UNC5A: variants seen among roughly 807,000 people sequenced by gnomAD.
The protein encoded by UNC5A is unc-5 netrin receptor A.
Under a neutral mutation model 87.4 loss-of-function variants are expected in UNC5A, and 20 were observed. That is an observed-to-expected ratio of 0.23 (90% CI 0.16 to 0.33). UNC5A has a LOEUF of 0.33. Ranked by LOEUF, UNC5A falls within the 10% of genes least tolerant of loss-of-function variation. The pLI, the probability that UNC5A is intolerant of heterozygous loss-of-function variation, is 1.00. For synonymous variants in UNC5A, 438 were observed against 482.3 expected (o/e 0.91, Z 1.20); for missense variants, 844 against 1,133.4 (o/e 0.74, Z 3.67).
chr5:176,878,156 T>A, intron 11 of UNC5A, 29 bp downstream of exon 11: 1 of 1,604,256 alleles, frequency 6.2e-7, no homozygotes, highest in Non-Finnish European at 8.5e-7. Context: ...CCCCCGCCGC[T>A]GGGAGGCCGA....
In UNC5A at chr5:176,875,389, C is replaced by T. The variant is rs2149369801; in HGVS notation, c.1378+823C>T. On this transcript the variant is annotated intron_variant, in intron 8 of 14. Coordinates refer to ENST00000329542, the MANE Select transcript of UNC5A (RefSeq NM_133369.3). The surrounding 1 kb of genome is among the most constrained non-coding windows in gnomAD (Gnocchi z 5.2). ...TCCCCCAGAGCCTCCCCATTCCTGG[C>T]TTCCCCCAGTTCACGGATCGTCTAG... Among the ~76,000 whole-genome samples, 1 of 152,184 alleles carries T rather than the reference C, an allele frequency of 6.6e-6. No homozygotes were observed. Among genetic ancestry groups the T allele is most frequent in the Non-Finnish European group, 1.5e-5 (1 of 68,002 alleles).
chr5:176,829,560 AGATGGATG>A lies in UNC5A; in HGVS notation c.70+18756_70+18763del, dbSNP rs111829154. ...TTGGATGGATGGGTGGACGTATGAA[AGATGGATG>A]GATGGATGGATGGATAAAGTAGGTG... On this transcript the variant is annotated intron_variant, in intron 1 of 14. Transcript: ENST00000329542. Among the ~76,000 whole-genome samples the A allele has an allele frequency of 5.4e-5, 6 of 111,654 alleles. No individual in the cohort carries two copies. The South Asian group carries it at 1.3e-3, about 25-fold the overall frequency. 73.2% of individuals were successfully genotyped at this position (111,654 alleles called of 152,430 possible). A position where few individuals can be genotyped will look rare whatever the true frequency, so the allele number is the denominator to read the frequency against.
intron 1 of UNC5A, among the ~76,000 whole-genome samples, chr5:176,860,652 C>T (rs1244174682): frequency 1.3e-5 from 2 of 152,184 alleles, no homozygotes; most frequent in East Asian, 3.8e-4. Context: ...CTTGGTCCCA[C>T]CCCCCAGCGT....
rs1388141131 is a variant in UNC5A at position 176,869,667 on chromosome 5, G to A, written c.721+703G>A. 7.2e-6 allele frequency: 5 copies of A among 698,872 alleles called. No homozygotes were observed. The highest frequency in any genetic ancestry group is 1.3e-5 in the Non-Finnish European group (5 of 382,598). The allele number at this position is 698,872 out of a possible 1,614,324, so 43.3% of individuals were successfully genotyped here. A position where few individuals can be genotyped will look rare whatever the true frequency, so the allele number is the denominator to read the frequency against. ...GTGGTCCGTCTGCAGCGCCAGCTGTGGGCGCGGCTGGCAGAAACGGAGCCG... is the reference window on the plus strand; with the variant it reads ...GTGGTCCGTCTGCAGCGCCAGCTGTAGGCGCGGCTGGCAGAAACGGAGCCG... On this transcript the variant is annotated intron_variant, in intron 5 of 14. Transcript: ENST00000329542. This position sits in a 1 kb window ranked among gnomAD's most constrained non-coding sequence, Gnocchi z 9.1.
chr5:176,861,255 C>A (rs55697016), intron 1 of UNC5A, among the ~76,000 whole-genome samples: 1 of 152,238 alleles, frequency 6.6e-6, no homozygotes, highest in South Asian at 2.1e-4. Flanking sequence ...TGCTGAGTGC[C>A]TCACGCCTGT....
chr5:176,874,518 T>G lies in UNC5A; in HGVS notation c.1330T>G (p.Tyr444Asp). ...GCCCCGAGGCACCAGCAACATGACC[T>G]ATGGGACCTTCAACTTCCTCGGGGG... ...SLPRGTSNMT[Y>D]GTFNFLGGRL... The change falls in exon 8 of 15, where the codon TAT becomes GAT. Residue 444 changes from tyrosine (Y) to aspartate (D), a missense_variant. This residue lies in a region of UNC5A where 353 missense variants were observed against 387.5 expected (regional missense o/e 0.91). Transcript: ENST00000329542. This position sits in a 1 kb window ranked among gnomAD's most constrained non-coding sequence, Gnocchi z 7.6. 6.3e-7 allele frequency: 1 copy of G among 1,596,504 alleles called. No homozygotes were observed. The highest frequency in any genetic ancestry group is 1.1e-5 in the South Asian group (1 of 89,526).
intron 1 of UNC5A, among the ~76,000 whole-genome samples, chr5:176,837,150 T>C (rs1757167002): frequency 6.6e-6 from 1 of 152,032 alleles, no homozygotes; most frequent in Non-Finnish European, 1.5e-5. Flanking sequence ...CCATAGCCCC[T>C]TTAAACTCCA....
chr5:176,818,684 T>C (rs1453833088), intron 1 of UNC5A, among the ~76,000 whole-genome samples: 1 of 152,168 alleles, frequency 6.6e-6, no homozygotes, highest in Non-Finnish European at 1.5e-5. Flanking sequence ...CCTTGTGGGC[T>C]CTCCTATGTG....
Position 176,865,052 on chromosome 5 carries a change from C to T in UNC5A, c.292+2207C>T, listed in dbSNP as rs1181236153. ...GGGGGTGAGGAGACCTCCCCTCCAT[C>T]CTGCCCCTTGCAGATTGGTCGGGGG... is the stretch of plus-strand genomic sequence containing the variant. On this transcript the variant is annotated intron_variant, in intron 2 of 14. Transcript: ENST00000329542. This position sits in a 1 kb window ranked among gnomAD's most constrained non-coding sequence, Gnocchi z 5.3. 1 of 344,700 alleles carries T rather than the reference C, an allele frequency of 2.9e-6. No individual in the cohort carries two copies. The highest frequency in any genetic ancestry group is 5.8e-6 in the Non-Finnish European group (1 of 173,878). The allele number at this position is 344,700 out of a possible 1,614,324, so 21.4% of individuals were successfully genotyped here. A position where few individuals can be genotyped will look rare whatever the true frequency, so the allele number is the denominator to read the frequency against.
At chr5:176,840,469 G>A (rs1757247966) in intron 1 of UNC5A, among the ~76,000 whole-genome samples, 1 of 152,332 alleles carries the variant, frequency 6.6e-6, no homozygotes, top group East Asian at 1.9e-4. Context: ...TTGTGCTCCT[G>A]TTTTAATAAC....
intron 1 of UNC5A, among the ~76,000 whole-genome samples, chr5:176,849,162 G>A (rs1441294836): frequency 3.9e-5 from 6 of 152,232 alleles, no homozygotes; most frequent in Admixed American, 3.9e-4. Flanking sequence ...CTTGGACACT[G>A]CCCAGTCTGG....
Position 176,878,603 on chromosome 5 carries a change from C to T in UNC5A, c.2148C>T (p.Asp716=), listed in dbSNP as rs750617210. 36 of 1,612,500 alleles carry T rather than the reference C, an allele frequency of 2.2e-5. No individual in the cohort carries two copies. In the East Asian group the frequency reaches 3.1e-4, roughly 14 times the overall value. The change falls in exon 13 of 15, where the codon GAC becomes GAT. Residue 716 remains aspartate (D), a synonymous_variant. Transcript: ENST00000329542. ...TGTGGGTGTGGCAGGTGGAGGGCGA[C>T]GGGCAGAGCTTCAGCATCAACTTCA... ...CKLWVWQVEG[D]GQSFSINFNI...
chr5:176,861,921 C>G (rs1013750578), intron 1 of UNC5A, among the ~76,000 whole-genome samples: 2 of 152,240 alleles, frequency 1.3e-5, no homozygotes, highest in African/African-American at 4.8e-5. Flanking sequence ...GGGCAGGGAT[C>G]AGACTACTCT....
rs1758216477 is a variant in UNC5A at position 176,874,602 on chromosome 5, T to C, written c.1378+36T>C. ...CCCCAGGGGGCTCTGAGAGCTCCAC[T>C]TCCCTCCTGGAGGAGGACGGGACAG... On this transcript the variant is annotated intron_variant, in intron 8 of 14. Transcript: ENST00000329542. This position sits in a 1 kb window ranked among gnomAD's most constrained non-coding sequence, Gnocchi z 7.6. 6.7e-7 allele frequency: 1 copy of C among 1,494,350 alleles called. No individual in the cohort carries two copies. Among genetic ancestry groups the C allele is most frequent in the African/African-American group, 1.4e-5 (1 of 71,018 alleles). The allele number at this position is 1,494,350 out of a possible 1,614,324, so 92.6% of individuals were successfully genotyped here.
At position 176,865,515 on chromosome 5, in the gene UNC5A, C is replaced by T; in HGVS notation, c.293-2615C>T. 2.2e-6 allele frequency: 1 copy of T among 448,068 alleles called. No individual in the cohort carries two copies. Among genetic ancestry groups the T allele is most frequent in the Non-Finnish European group, 4.5e-6 (1 of 221,056 alleles). 27.8% of individuals were successfully genotyped at this position (448,068 alleles called of 1,614,324 possible). On this transcript the variant is annotated intron_variant, in intron 2 of 14. Transcript: ENST00000329542. The surrounding 1 kb of genome is among the most constrained non-coding windows in gnomAD (Gnocchi z 5.3). ...ACGTCCCACCCGTAACCGCCAGGGTCCTCTTCTGCCCCGAGCATCCGACTC... is the reference window on the plus strand; with the variant it reads ...ACGTCCCACCCGTAACCGCCAGGGTTCTCTTCTGCCCCGAGCATCCGACTC...
chr5:176,824,939 T>TC lies in UNC5A; in HGVS notation c.70+14123dup, dbSNP rs560721508. Among the ~76,000 whole-genome samples the TC allele has an allele frequency of 3.0e-4, 45 of 152,276 alleles. No individual in the cohort carries two copies. The highest frequency in any genetic ancestry group is 6.0e-4 in the Non-Finnish European group (41 of 68,016). ...CTCCCGTGCACACCAAGGCTGCGTC[T>TC]CCCCACCCTGTGCACAGTGCTTGGT... On this transcript the variant is annotated intron_variant, in intron 1 of 14. Coordinates refer to ENST00000329542, the MANE Select transcript of UNC5A (RefSeq NM_133369.3). The surrounding 1 kb of genome is among the most constrained non-coding windows in gnomAD (Gnocchi z 4.2).
intron 3 of UNC5A, 78 bp from the exon 4 acceptor site, chr5:176,868,483 C>A: frequency 6.7e-7 from 1 of 1,492,714 alleles, no homozygotes; most frequent in Non-Finnish European, 9.1e-7. Context: ...ACGGCCCCTG[C>A]AGGACAAGGG....
chr5:176,857,108 C>A (rs1454501722), intron 1 of UNC5A, among the ~76,000 whole-genome samples: 1 of 152,264 alleles, frequency 6.6e-6, no homozygotes, highest in African/African-American at 2.4e-5. Flanking sequence ...AGAGCCCTCT[C>A]ACCCGCCCCT....
intron 8 of UNC5A, among the ~76,000 whole-genome samples, chr5:176,876,072 T>C (rs1244696576): frequency 6.6e-6 from 1 of 152,236 alleles, no homozygotes; most frequent in African/African-American, 2.4e-5. Flanking sequence ...GGTTGACTTG[T>C]CCTTCTCCCC....
Sources: gnomAD v4.1 joint callset for allele counts (sites outside exome capture counted in the v4.1 genomes callset) on GRCh38, gnomAD v4.1.1 for gene constraint, gnomAD v4.1.1 regional missense constraint, Gnocchi (gnomAD v3.1) non-coding constraint, MANE v1.5 for transcripts, NCBI Gene and HGNC (gene_info 2026-07-23, HGNC 2026-07-21) for gene names.